The following ATP8A2 variants were observed in gnomAD, a reference collection of about 807,000 sequenced individuals.
ATP8A2 encodes phospholipid-transporting ATPase IB.
In ATP8A2, 100 loss-of-function variants were observed where a neutral mutation model predicts 165.6. That is an observed-to-expected ratio of 0.60 (90% CI 0.51 to 0.71). The LOEUF is 0.71. Among genes scored for constraint, ATP8A2 ranks in the 30% least tolerant of loss-of-function variants. The pLI, the probability that ATP8A2 is intolerant of heterozygous loss-of-function variation, is 0.00. For missense variants in ATP8A2, 1,227 were observed against 1,479.5 expected (o/e 0.83, Z 2.80); for synonymous variants, 543 against 548.8 (o/e 0.99, Z 0.15).
intron 33 of ATP8A2, among the ~76,000 whole-genome samples, chr13:25,886,579 A>G (rs1379133950): frequency 1.3e-5 from 2 of 152,196 alleles, no homozygotes; most frequent in African/African-American, 4.8e-5. Context: ...CACCCGCTCC[A>G]TGTGCGCTGG....
chr13:25,991,942 A>G (rs1003622193), intron 35 of ATP8A2, among the ~76,000 whole-genome samples: 1 of 141,068 alleles, frequency 7.1e-6, no homozygotes, highest in African/African-American at 2.6e-5. Context: ...ACAACCATGT[A>G]TTTAGCTCAT....
chr13:25,678,605 C>G (rs1164482725), intron 24 of ATP8A2, among the ~76,000 whole-genome samples: 1 of 152,108 alleles, frequency 6.6e-6, no homozygotes, highest in Non-Finnish European at 1.5e-5. Flanking sequence ...CAACACAGCT[C>G]CTGGGTGGCA....
chr13:25,538,821 A>G (rs550475753), intron 7 of ATP8A2, among the ~76,000 whole-genome samples: 1 of 152,118 alleles, frequency 6.6e-6, no homozygotes, highest in Non-Finnish European at 1.5e-5. Context: ...CGTTTCTTGT[A>G]TTGAAGTTAA....
At chr13:25,396,538 C>G (rs1433126264) in intron 1 of ATP8A2, among the ~76,000 whole-genome samples, 2 of 152,256 alleles carry the variant, frequency 1.3e-5, no homozygotes, top group South Asian at 2.1e-4. Context: ...ATTGTTTTCT[C>G]AGTCCCAGCC....
At chr13:25,423,490 G>A (rs2138112173) in intron 1 of ATP8A2, among the ~76,000 whole-genome samples, 1 of 152,206 alleles carries the variant, frequency 6.6e-6, no homozygotes, top group South Asian at 2.1e-4. Context: ...TTCTAAGGGT[G>A]GAATCGGGTT....
intron 33 of ATP8A2, among the ~76,000 whole-genome samples, chr13:25,921,295 A>C (rs555505100): frequency 6.6e-6 from 1 of 152,024 alleles, no homozygotes; most frequent in Non-Finnish European, 1.5e-5. Context: ...TTTTCCTCAA[A>C]TTATCTGAAA....
chr13:25,382,911 A>G (rs1290581033), intron 1 of ATP8A2, among the ~76,000 whole-genome samples: 2 of 151,522 alleles, frequency 1.3e-5, no homozygotes, highest in Non-Finnish European at 1.5e-5. Flanking sequence ...GCCCGCCACC[A>G]TGCCCAGCTA....
At chr13:25,889,273 T>TATATATATATATATATATATATAA (rs1359317042) in intron 33 of ATP8A2, among the ~76,000 whole-genome samples, 1 of 141,184 alleles carries the variant, frequency 7.1e-6, no homozygotes, top group African/African-American at 2.5e-5. Context: ...TATATATATA[T>TATATATATATATATATATATATAA]AAAATTTAAA....
intron 33 of ATP8A2, among the ~76,000 whole-genome samples, chr13:25,930,477 T>G (rs1954740175): frequency 2.0e-5 from 3 of 152,144 alleles, no homozygotes; most frequent in Non-Finnish European, 1.5e-5. Context: ...CTTGCCAATT[T>G]CTGCACCTTC....
At chr13:25,540,015 G>C (rs2038418977) in intron 7 of ATP8A2, among the ~76,000 whole-genome samples, 2 of 152,128 alleles carry the variant, frequency 1.3e-5, no homozygotes, top group Non-Finnish European at 2.9e-5. Flanking sequence ...GTCTGACTGG[G>C]GACATCACAT....
intron 24 of ATP8A2, among the ~76,000 whole-genome samples, chr13:25,628,198 CTT>C (rs1191165913): frequency 6.6e-6 from 1 of 152,202 alleles, no homozygotes; most frequent in African/African-American, 2.4e-5. Flanking sequence ...CTCTAACCAT[CTT>C]TATAGTCTTT....
At chr13:25,710,928 G>A (rs1017352906) in intron 25 of ATP8A2, among the ~76,000 whole-genome samples, 5 of 133,402 alleles carry the variant, frequency 3.7e-5, no homozygotes, top group African/African-American at 1.1e-4. Flanking sequence ...AAAATGAAGA[G>A]GAAAGTTATT....
At chr13:25,859,085 C>G (rs563930474) in intron 30 of ATP8A2, among the ~76,000 whole-genome samples, 1 of 152,144 alleles carries the variant, frequency 6.6e-6, no homozygotes, top group Non-Finnish European at 1.5e-5. Flanking sequence ...CACCTGTAAT[C>G]CCAGCTACTT....
chr13:25,419,560 G>A (rs1211714173), intron 1 of ATP8A2, among the ~76,000 whole-genome samples: 1 of 152,108 alleles, frequency 6.6e-6, no homozygotes, highest in Non-Finnish European at 1.5e-5. Context: ...TTACTCACTG[G>A]GCAGCTGGAG....
In ATP8A2 at chr13:25,991,191, C is replaced by G. The variant is rs193294956; in HGVS notation, c.3378-21340C>G. Among the ~76,000 whole-genome samples, 4 of 152,170 alleles carry G rather than the reference C, an allele frequency of 2.6e-5. No homozygotes were observed. The East Asian group carries it at 7.7e-4, about 29-fold the overall frequency. On this transcript the variant is annotated intron_variant, in intron 35 of 36. Transcript: ENST00000381655. Reference sequence around the variant, plus strand: ...AGATAGCATTGCTTAGCACTGTTCACAAAAGGATAACTGCAGAAAAACATG... The same window carrying G: ...AGATAGCATTGCTTAGCACTGTTCAGAAAAGGATAACTGCAGAAAAACATG...
intron 24 of ATP8A2, among the ~76,000 whole-genome samples, chr13:25,589,925 A>G (rs2040026108): frequency 6.6e-6 from 1 of 152,194 alleles, no homozygotes. Context: ...ACTTTTATTC[A>G]TCTAGAATTG....
intron 30 of ATP8A2, among the ~76,000 whole-genome samples, chr13:25,858,917 T>C (rs753490330): frequency 2.6e-5 from 4 of 151,996 alleles, no homozygotes; most frequent in Non-Finnish European, 5.9e-5. Flanking sequence ...AAACTACCCA[T>C]TGGGATGCCA....
intron 24 of ATP8A2, among the ~76,000 whole-genome samples, chr13:25,665,764 G>C (rs765371243): frequency 6.6e-5 from 10 of 151,592 alleles, no homozygotes; most frequent in Non-Finnish European, 1.5e-4. Flanking sequence ...GCTCAGGCTG[G>C]ACTTGAACTC....
intron 1 of ATP8A2, among the ~76,000 whole-genome samples, chr13:25,450,078 T>C (rs1416764150): frequency 6.6e-6 from 1 of 152,198 alleles, no homozygotes; most frequent in Non-Finnish European, 1.5e-5. Flanking sequence ...ACATGCGGTA[T>C]TTGGTTTTCT....
Sources: allele counts gnomAD v4.1 joint callset (sites outside exome capture counted in the v4.1 genomes callset), GRCh38; gene constraint gnomAD v4.1.1; transcripts MANE v1.5; gene names NCBI Gene and HGNC (gene_info 2026-07-23, HGNC 2026-07-21).